CHST8: variants seen among roughly 807,000 people sequenced by gnomAD.
CHST8 encodes the protein GALNAC-4-ST1.
In CHST8, 10 loss-of-function variants were observed where a neutral mutation model predicts 15.0. That is an observed-to-expected ratio of 0.67 (90% CI 0.41 to 1.13). The LOEUF is 1.13. Ranked by LOEUF, CHST8 falls within the 50% of genes most tolerant of loss-of-function variation. The pLI, the probability that CHST8 is intolerant of heterozygous loss-of-function variation, is 0.00. For synonymous variants in CHST8, 259 were observed against 256.6 expected, an observed-to-expected ratio of 1.01 and a Z score of -0.09; for missense variants, 634 against 608.2, an observed-to-expected ratio of 1.04 and a Z score of -0.45.
At chr19:33,628,108 G>A (rs376397858) in intron 1 of CHST8, among the ~76,000 whole-genome samples, 68 of 152,288 alleles carry the variant, frequency 4.5e-4, no homozygotes, top group African/African-American at 1.5e-3. Flanking sequence ...GTCTGAAGGA[G>A]GAGTGGGAAC....
intron 3 of CHST8, among the ~76,000 whole-genome samples, chr19:33,715,192 G>T (rs1010000810): frequency 6.6e-6 from 1 of 152,104 alleles, no homozygotes; most frequent in African/African-American, 2.4e-5. Flanking sequence ...TTCCCGACTC[G>T]CCCAGGGCTG....
intron 3 of CHST8, among the ~76,000 whole-genome samples, chr19:33,743,519 T>C (rs1343283110): frequency 1.3e-5 from 2 of 152,068 alleles, no homozygotes; most frequent in African/African-American, 2.4e-5. Flanking sequence ...GCCAGGATGG[T>C]CTCGATCTCC....
At chr19:33,682,647 T>C (rs183499011) in intron 2 of CHST8, among the ~76,000 whole-genome samples, 17 of 152,372 alleles carry the variant, frequency 1.1e-4, no homozygotes, top group Admixed American at 1.1e-3. Context: ...AGTGGAATTA[T>C]ACAGTATTTG....
chr19:33,765,015 A>G (rs1361551125), intron 3 of CHST8, among the ~76,000 whole-genome samples: 1 of 143,798 alleles, frequency 7.0e-6, no homozygotes, highest in Non-Finnish European at 1.5e-5. Context: ...TGCGAATGCC[A>G]TTAATTCATT....
intron 3 of CHST8, among the ~76,000 whole-genome samples, chr19:33,727,915 C>A (rs1973931601): frequency 6.6e-6 from 1 of 152,236 alleles, no homozygotes. Flanking sequence ...GCTGTGCCTT[C>A]TGTGGGTGGG....
chr19:33,725,613 ACT>A (rs1385264442), intron 3 of CHST8, among the ~76,000 whole-genome samples: 1 of 151,636 alleles, frequency 6.6e-6, no homozygotes, highest in Non-Finnish European at 1.5e-5. Flanking sequence ...AGCGAAAGAT[ACT>A]CTTTCTCCCT....
intron 3 of CHST8, among the ~76,000 whole-genome samples, chr19:33,714,251 A>T (rs896648486): frequency 2.0e-5 from 3 of 152,186 alleles, no homozygotes; most frequent in African/African-American, 7.2e-5. Flanking sequence ...GAATCAACCT[A>T]AATGTCCACC....
At chr19:33,718,274 A>G (rs1288832929) in intron 3 of CHST8, among the ~76,000 whole-genome samples, 1 of 104,332 alleles carries the variant, frequency 9.6e-6, no homozygotes, top group Non-Finnish European at 2.1e-5. Flanking sequence ...GCTGGACTAC[A>G]GTGGCCCAAT....
intron 3 of CHST8, among the ~76,000 whole-genome samples, chr19:33,734,456 C>A (rs1322396011): frequency 1.3e-5 from 2 of 152,208 alleles, no homozygotes; most frequent in Non-Finnish European, 2.9e-5. Flanking sequence ...TCCAAGAACC[C>A]TCTCTGGGGG....
chr19:33,772,319 G>A lies in CHST8; in HGVS notation c.531G>A (p.Thr177=), dbSNP rs775683701. 6.2e-7 allele frequency: 1 copy of A among 1,604,566 alleles called. No individual in the cohort carries two copies. Among genetic ancestry groups the A allele is most frequent in the South Asian group, 1.1e-5 (1 of 90,968 alleles). Reference sequence around the variant, plus strand: ...CGAGCAGCAGCCGCCGGGCCGTCACGCCCCGCCACGTGTCCCGTATCTTCG... The same window carrying A: ...CGAGCAGCAGCCGCCGGGCCGTCACACCCCGCCACGTGTCCCGTATCTTCG... ...YRASSSRRAV[T]PRHVSRIFVE... Residue 177 remains threonine, a synonymous_variant, in exon 5 of 5, where the codon ACG becomes ACA. Coordinates refer to ENST00000650847, the MANE Select transcript of CHST8 (RefSeq NM_001127895.2).
intron 3 of CHST8, among the ~76,000 whole-genome samples, chr19:33,733,147 T>C (rs564994529): frequency 2.6e-5 from 4 of 151,892 alleles, no homozygotes; most frequent in African/African-American, 9.7e-5. Context: ...CTCATTGGCA[T>C]AACAAGACAT....
intron 3 of CHST8, among the ~76,000 whole-genome samples, chr19:33,711,887 C>T (rs1973558101): frequency 6.6e-6 from 1 of 152,144 alleles, no homozygotes; most frequent in Non-Finnish European, 1.5e-5. Flanking sequence ...CCTGCCTTGG[C>T]CTCCCAAAGT....
intron 1 of CHST8, among the ~76,000 whole-genome samples, chr19:33,644,827 T>G (rs906452673): frequency 1.3e-5 from 2 of 151,960 alleles, no homozygotes; most frequent in African/African-American, 4.8e-5. Context: ...GGATTGGAAG[T>G]GTGGGGTTAG....
At chr19:33,673,946 G>T (rs1454780861) in intron 2 of CHST8, among the ~76,000 whole-genome samples, 3 of 152,166 alleles carry the variant, frequency 2.0e-5, no homozygotes, top group African/African-American at 7.2e-5. Flanking sequence ...TAGATACGGG[G>T]TTTCGCCATG....
intron 2 of CHST8, among the ~76,000 whole-genome samples, chr19:33,686,765 G>T (rs543861675): frequency 6.6e-6 from 1 of 152,334 alleles, no homozygotes; most frequent in African/African-American, 2.4e-5. Flanking sequence ...CTTACTCAGG[G>T]GCTCGCGACA....
In CHST8 at chr19:33,726,537, C is replaced by CAAT. The variant is rs372932705; in HGVS notation, c.130+37164_130+37166dup. ...TGGGTGACAGAGCAAGACCCTGTCT[C>CAAT]AATAATAATAATAATAATAAAAGTG... On this transcript the variant is annotated intron_variant, in intron 3 of 4. Coordinates refer to ENST00000650847, the MANE Select transcript of CHST8 (RefSeq NM_001127895.2). Among the ~76,000 whole-genome samples the CAAT allele has an allele frequency of 2.0e-3, 300 of 151,824 alleles. 1 individual carries two copies. The highest frequency in any genetic ancestry group is 5.0e-3 in the East Asian group (26 of 5,170).
intron 3 of CHST8, among the ~76,000 whole-genome samples, chr19:33,741,250 T>C (rs1038014293): frequency 2.0e-5 from 3 of 152,184 alleles, no homozygotes; most frequent in Admixed American, 6.5e-5. Flanking sequence ...AGGACTGGCC[T>C]CTGACTGCAA....
chr19:33,628,606 G>A (rs937907335), intron 1 of CHST8, among the ~76,000 whole-genome samples: 4 of 152,212 alleles, frequency 2.6e-5, no homozygotes, highest in African/African-American at 9.6e-5. Flanking sequence ...CTAGTGGGCG[G>A]TGTAGGCGGT....
chr19:33,752,550 A>G (rs1036620596), intron 3 of CHST8, among the ~76,000 whole-genome samples: 16 of 152,132 alleles, frequency 1.1e-4, no homozygotes, highest in African/African-American at 3.6e-4. Flanking sequence ...CAGAGCCCAG[A>G]CAGCTGTCGG....
Sources: gnomAD v4.1 joint callset for allele counts (sites outside exome capture counted in the v4.1 genomes callset) on GRCh38, gnomAD v4.1.1 for gene constraint, MANE v1.5 for transcripts, NCBI Gene and HGNC (gene_info 2026-07-23, HGNC 2026-07-21) for gene names.